SNTG1: variants seen among roughly 807,000 people sequenced by gnomAD.
SNTG1 encodes gamma-1-syntrophin.
Under a neutral mutation model 74.7 loss-of-function variants are expected in SNTG1, and 39 were observed. The observed-to-expected ratio is 0.52, with a 90% CI of 0.40 to 0.68. The LOEUF is 0.68. Ranked by LOEUF, SNTG1 falls within the 30% of genes least tolerant of loss-of-function variation. SNTG1 has a pLI of 0.00. For synonymous variants in SNTG1, 254 were observed against 217.1 expected, an observed-to-expected ratio of 1.17 and a Z score of -1.49; for missense variants, 685 against 609.5, an observed-to-expected ratio of 1.12 and a Z score of -1.30.
intron 15 of SNTG1, among the ~76,000 whole-genome samples, chr8:50,674,091 A>G (rs767180970): frequency 5.9e-5 from 9 of 152,050 alleles, no homozygotes; most frequent in Admixed American, 1.3e-4. Context: ...TATTTTATTG[A>G]AGATTTCACA....
At chr8:50,765,783 T>G (rs1324703568) in intron 18 of SNTG1, among the ~76,000 whole-genome samples, 1 of 151,994 alleles carries the variant, frequency 6.6e-6, no homozygotes, top group East Asian at 1.9e-4. Context: ...TTGTTGTAAC[T>G]GCTGAGTAGT....
At chr8:50,225,998 T>C (rs946305085) in intron 2 of SNTG1, among the ~76,000 whole-genome samples, 12 of 152,228 alleles carry the variant, frequency 7.9e-5, no homozygotes, top group African/African-American at 2.2e-4. Flanking sequence ...TATGCATACA[T>C]ACAACATGAT....
intron 1 of SNTG1, among the ~76,000 whole-genome samples, chr8:50,160,397 T>C (rs13260265): frequency 0.29 from 43,378 of 151,994 alleles, 6,264 homozygotes; most frequent in Middle Eastern, 0.4. Flanking sequence ...GAAAATGCTA[T>C]TGCTTTGAAA....
intron 1 of SNTG1, among the ~76,000 whole-genome samples, chr8:50,130,764 T>A (rs2081291032): frequency 6.6e-6 from 1 of 152,052 alleles, no homozygotes; most frequent in African/African-American, 2.4e-5. Flanking sequence ...CAAAAAATTA[T>A]TAAACATTTG....
intron 18 of SNTG1, among the ~76,000 whole-genome samples, chr8:50,761,827 C>G (rs1210201788): frequency 5.3e-5 from 8 of 151,830 alleles, no homozygotes; most frequent in Non-Finnish European, 8.8e-5. Context: ...GTGAAGAATT[C>G]AAGAATGAAG....
intron 1 of SNTG1, among the ~76,000 whole-genome samples, chr8:49,918,949 A>G (rs1438177079): frequency 6.6e-6 from 1 of 152,176 alleles, no homozygotes. Flanking sequence ...ATGCAGTAGC[A>G]GATTATAGCA....
intron 1 of SNTG1, among the ~76,000 whole-genome samples, chr8:50,108,585 G>A (rs1237251838): frequency 2.6e-5 from 4 of 151,950 alleles, no homozygotes; most frequent in African/African-American, 7.3e-5. Context: ...CAAAACTTTC[G>A]GTAAAATTTA....
intron 15 of SNTG1, among the ~76,000 whole-genome samples, chr8:50,669,867 G>T (rs1210099116): frequency 4.6e-5 from 7 of 152,104 alleles, no homozygotes; most frequent in Admixed American, 3.9e-4. Context: ...TTCATCCCTG[G>T]GATGCAAGGC....
At chr8:50,661,909 T>C (rs930855354) in intron 15 of SNTG1, among the ~76,000 whole-genome samples, 16 of 152,178 alleles carry the variant, frequency 1.1e-4, no homozygotes, top group African/African-American at 3.9e-4. Flanking sequence ...ATTAGACATA[T>C]AAAGCCATCC....
intron 1 of SNTG1, among the ~76,000 whole-genome samples, chr8:50,024,339 A>G (rs183156498): frequency 6.1e-4 from 93 of 152,258 alleles, no homozygotes; most frequent in Middle Eastern, 3.4e-3. Context: ...CAGAACTACA[A>G]AAAGGAATAA....
intron 1 of SNTG1, among the ~76,000 whole-genome samples, chr8:49,957,148 C>A (rs1026975515): frequency 5.3e-5 from 8 of 152,270 alleles, no homozygotes; most frequent in Middle Eastern, 3.4e-3. Flanking sequence ...AGAAGCACAT[C>A]ATTAAGATGG....
intron 2 of SNTG1, among the ~76,000 whole-genome samples, chr8:50,330,013 G>T (rs368900955): frequency 1.3e-5 from 2 of 152,092 alleles, no homozygotes; most frequent in Admixed American, 1.3e-4. Flanking sequence ...AAGAAGTTCC[G>T]CGTATCCATT....
intron 18 of SNTG1, chr8:50,762,615 C>T (rs982626751): frequency 2.4e-6 from 1 of 424,802 alleles, no homozygotes; most frequent in Non-Finnish European, 4.7e-6. Flanking sequence ...AGTGTATCCT[C>T]TCCCCAGGTG....
intron 18 of SNTG1, among the ~76,000 whole-genome samples, chr8:50,755,321 C>T (rs554518741): frequency 6.6e-6 from 1 of 151,080 alleles, no homozygotes; most frequent in South Asian, 2.1e-4. Context: ...CGTACTTTTT[C>T]CTTTTTCAAA....
At chr8:50,014,739 T>G (rs1816149195) in intron 1 of SNTG1, among the ~76,000 whole-genome samples, 1 of 152,082 alleles carries the variant, frequency 6.6e-6, no homozygotes, top group Non-Finnish European at 1.5e-5. Context: ...TTATAATGTT[T>G]AAGGTGTGAC....
At chr8:50,137,414 C>G (rs1009180948) in intron 1 of SNTG1, among the ~76,000 whole-genome samples, 18 of 152,112 alleles carry the variant, frequency 1.2e-4, no homozygotes, top group African/African-American at 4.1e-4. Flanking sequence ...TTTCATTTAG[C>G]AATGGTTTAT....
At chr8:50,211,776 A>G (rs552891994) in intron 2 of SNTG1, among the ~76,000 whole-genome samples, 2 of 152,248 alleles carry the variant, frequency 1.3e-5, no homozygotes, top group East Asian at 3.9e-4. Context: ...ATTTTGCTTC[A>G]GTGAGATCAA....
At chr8:50,754,477 C>T (rs189735407) in intron 18 of SNTG1, among the ~76,000 whole-genome samples, 1 of 151,880 alleles carries the variant, frequency 6.6e-6, no homozygotes, top group East Asian at 2.0e-4. Flanking sequence ...TTGTTATATG[C>T]CATGTATGTT....
chr8:50,533,497 AT>A, intron 10 of SNTG1, among the ~76,000 whole-genome samples: 1 of 152,322 alleles, frequency 6.6e-6, no homozygotes, highest in Non-Finnish European at 1.5e-5. Context: ...CTATTGAAAA[AT>A]AGTCATGGTT....
Sources: allele counts gnomAD v4.1 joint callset (sites outside exome capture counted in the v4.1 genomes callset), GRCh38; gene constraint gnomAD v4.1.1; transcripts MANE v1.5; gene names NCBI Gene and HGNC (gene_info 2026-07-23, HGNC 2026-07-21).